The following FOXRED2 variants were observed in gnomAD, a reference collection of about 807,000 sequenced individuals.
FOXRED2 encodes the protein FAD dependent oxidoreductase domain containing 2, also known as FAD-dependent oxidoreductase domain-containing protein 2.
A neutral mutation model predicts 52.5 loss-of-function variants in FOXRED2; 32 were observed. The observed-to-expected ratio is 0.61, with a 90% CI of 0.46 to 0.82. FOXRED2 has a LOEUF of 0.82. FOXRED2 is among the 40% of genes least tolerant of loss of function. FOXRED2 has a pLI of 0.00. For synonymous variants in FOXRED2, 405 were observed against 398.1 expected (o/e 1.02, Z -0.21); for missense variants, 848 against 937.5 (o/e 0.90, Z 1.25).
chr22:36,498,269 C>T, intron 5 of FOXRED2, 113 bp from the exon 6 acceptor site: 1 of 1,269,824 alleles, frequency 7.9e-7, no homozygotes, highest in South Asian at 1.5e-5. Flanking sequence ...CACTGGTCTC[C>T]ATGGCCCAGC....
rs567756065 is a variant in FOXRED2, at chr22:36,501,430, A to G, written c.1050-23T>C. The G allele has an allele frequency of 5.2e-5, 84 of 1,611,716 alleles. No individual in the cohort carries two copies. The East Asian group carries it at 7.4e-4, about 14-fold the overall frequency. ...GACCTGTCAGTGGAAAGGGCTGTTC[A>G]TGAAAATAGCTGCTATGTAAGAGGC... On this transcript the variant is annotated intron_variant, in intron 4 of 8. Transcript: ENST00000397224.
Position 36,493,753 on chromosome 22 carries a change from C to T in FOXRED2, c.1675G>A (p.Ala559Thr). ...PAHWPLPRPT[A>T]IHHIVEDFLT... is the part of the protein sequence containing the mutation. Reference sequence around the variant, plus strand: ...AAGTCTTCCACGATGTGATGGATGGCCGTGGGCCGAGGCAGGGGCCAGTGT... The same window carrying T: ...AAGTCTTCCACGATGTGATGGATGGTCGTGGGCCGAGGCAGGGGCCAGTGT... The change falls in exon 8 of 9, where the codon GCC becomes ACC. Residue 559 changes from alanine to threonine, a missense_variant. Transcript: ENST00000397224. The T allele has an allele frequency of 1.2e-6, 2 of 1,614,204 alleles. No individual in the cohort carries two copies. Among genetic ancestry groups the T allele is most frequent in the Non-Finnish European group, 1.7e-6 (2 of 1,180,014 alleles).
In FOXRED2 at chr22:36,498,055, C is replaced by A; in HGVS notation, c.1318G>T (p.Val440Leu). 6.2e-7 allele frequency: 1 copy of A among 1,614,094 alleles called. No individual in the cohort carries two copies. The highest frequency in any genetic ancestry group is 8.5e-7 in the Non-Finnish European group (1 of 1,180,040). The stretch of plus-strand genomic sequence containing the variant: ...TGGTAGAGCCCAGAAGCCTCATTCA[C>A]GCGCCGCACGATGGAGCTGGTCAGC... ...TQLTSSIVRRVNEASGLYQMF... is the reference protein window; with the variant it reads ...TQLTSSIVRRLNEASGLYQMF... Residue 440 changes from valine to leucine, a missense_variant, in exon 6 of 9, where the codon GTG (valine) becomes TTG (leucine). Coordinates refer to ENST00000397224, the MANE Select transcript of FOXRED2 (RefSeq NM_001102371.2).
At chr22:36,502,222 C>G (rs1038890318) in intron 4 of FOXRED2, among the ~76,000 whole-genome samples, 1 of 152,054 alleles carries the variant, frequency 6.6e-6, no homozygotes, top group Non-Finnish European at 1.5e-5. Context: ...CAGTGGCTCA[C>G]GCCTGTAATC....
At chr22:36,503,073 C>T (rs1219197890) in intron 4 of FOXRED2, among the ~76,000 whole-genome samples, 13 of 151,150 alleles carry the variant, frequency 8.6e-5, no homozygotes, top group African/African-American at 2.2e-4. Flanking sequence ...ACCACAGCCT[C>T]GACCTCCTGG....
chr22:36,499,263 A>G (rs1011838082), intron 5 of FOXRED2, among the ~76,000 whole-genome samples: 5 of 152,144 alleles, frequency 3.3e-5, no homozygotes, highest in African/African-American at 1.2e-4. Context: ...ATAAATATTG[A>G]ATGTCTTTGA....
intron 4 of FOXRED2, 21 bp downstream of exon 4, chr22:36,504,077 C>T: frequency 6.2e-7 from 1 of 1,608,006 alleles, no homozygotes; most frequent in Non-Finnish European, 8.5e-7. Flanking sequence ...GAGAGCCCAC[C>T]TCCTTCCGCA....
At position 36,496,123 on chromosome 22, in the gene FOXRED2, G is replaced by A. The variant is rs1212363859; in HGVS notation, c.1468C>T (p.His490Tyr). 2 of 1,614,084 alleles carry A rather than the reference G, an allele frequency of 1.2e-6. No homozygotes were observed. The highest frequency in any genetic ancestry group is 1.7e-6 in the Non-Finnish European group (2 of 1,180,042). ...TCCATGTTGATGACGAAGAGCCCGT[G>A]CTTTGCCTTCCTCCCTGTGAGTGTC... ...LETLTGRKAKHGLFVINMEYG... is the reference protein window; with the variant it reads ...LETLTGRKAKYGLFVINMEYG... Residue 490 changes from histidine (H) to tyrosine (Y), a missense_variant, in exon 7 of 9, where the codon CAC becomes TAC. His to Tyr is a moderately conservative substitution (Grantham distance 83). Coordinates refer to ENST00000397224, the MANE Select transcript of FOXRED2 (RefSeq NM_001102371.2).
chr22:36,494,205 C>T (rs1013069480), intron 7 of FOXRED2, among the ~76,000 whole-genome samples: 1 of 152,208 alleles, frequency 6.6e-6, no homozygotes, highest in Non-Finnish European at 1.5e-5. Flanking sequence ...CAACCTCTAC[C>T]TCCTGGGTTC....
At position 36,506,260 on chromosome 22, in the gene FOXRED2, C is replaced by T. The variant is rs369938543; in HGVS notation, c.163G>A (p.Asp55Asn). ...MAYFLQRAGRDYAVFERAPRP... is the reference protein window; with the variant it reads ...MAYFLQRAGRNYAVFERAPRP... ...GGGGCCCGCTCGAACACTGCGTAGT[C>T]GCGTCCAGCGCGCTGCAGGAAGTAG... The change falls in exon 2 of 9, where the codon GAC becomes AAC. Residue 55 changes from aspartate to asparagine, a missense_variant. By Grantham distance (23) the Asp-to-Asn change is conservative. Transcript: ENST00000397224. 2 of 1,608,746 alleles carry T rather than the reference C, an allele frequency of 1.2e-6. No homozygotes were observed. Among genetic ancestry groups the T allele is most frequent in the Admixed American group, 1.7e-5 (1 of 59,846 alleles).
rs751898660 is a variant in FOXRED2 at position 36,504,066 on chromosome 22, G to A, written c.1049+32C>T. ...AGGGAGGGGTCAGGAGGGTTTGCTAGGAGAGCCCACCTCCTTCCGCATGGA... is the reference window on the plus strand; with the variant it reads ...AGGGAGGGGTCAGGAGGGTTTGCTAAGAGAGCCCACCTCCTTCCGCATGGA... On this transcript the variant is annotated intron_variant, in intron 4 of 8. Transcript: ENST00000397224. The A allele has an allele frequency of 1.7e-5, 27 of 1,601,530 alleles. No homozygotes were observed. The Middle Eastern group carries it at 1.0e-3, about 60-fold the overall frequency.
intron 7 of FOXRED2, among the ~76,000 whole-genome samples, chr22:36,494,872 C>T (rs1404853512): frequency 1.3e-5 from 2 of 151,424 alleles, no homozygotes; most frequent in South Asian, 2.1e-4. Flanking sequence ...CTCCTGACCT[C>T]GTGATCCGCC....
chr22:36,493,676 G>A lies in FOXRED2; in HGVS notation c.1752C>T (p.Phe584=). ...PIGHILPLRR[F]LENCLDTDLR... Reference sequence around the variant, plus strand: ...AATCGGTGTCCAAACAGTTCTCCAGGAAGCGCCTCAGAGGTAGGATGTGCC... The same window carrying A: ...AATCGGTGTCCAAACAGTTCTCCAGAAAGCGCCTCAGAGGTAGGATGTGCC... The change falls in exon 8 of 9, where the codon TTC becomes TTT. Residue 584 remains phenylalanine, a synonymous_variant. Transcript: ENST00000397224. The A allele has an allele frequency of 6.2e-7, 1 of 1,614,214 alleles. No homozygotes were observed. Among genetic ancestry groups the A allele is most frequent in the South Asian group, 1.1e-5 (1 of 91,084 alleles).
chr22:36,498,623 C>T (rs1188155669), intron 5 of FOXRED2, among the ~76,000 whole-genome samples: 3 of 152,202 alleles, frequency 2.0e-5, no homozygotes, highest in Non-Finnish European at 4.4e-5. Context: ...GCTCTGTTTC[C>T]ATCAGAGACG....
Position 36,489,939 on chromosome 22 carries a change from A to C in FOXRED2, c.*69T>G. ...TTGGCGGGAGTGTGAGGTTGCGGGG[A>C]AAGAGGGACTGACCATGGGCCTAGG... On this transcript the variant is annotated 3_prime_UTR_variant, in exon 9 of 9. Transcript: ENST00000397224. 1 of 1,443,824 alleles carries C rather than the reference A, an allele frequency of 6.9e-7. No homozygotes were observed. 89.4% of individuals were successfully genotyped at this position (1,443,824 alleles called of 1,614,324 possible).
rs765376848 is a variant in FOXRED2 at position 36,490,032 on chromosome 22, G to A, written c.2031C>T (p.Val677=). 2.6e-5 allele frequency: 41 copies of A among 1,599,504 alleles called. No individual in the cohort carries two copies. Among genetic ancestry groups the A allele is most frequent in the South Asian group, 2.1e-4 (19 of 90,102 alleles). ...GTCAGAGCTCCTCTTTGTTGCTATC[G>A]ACGGACTGAGCCAGAGGCCCTGGAG... ...PLAPGPLAQS[V]DSNKEEL Residue 677 remains valine, a synonymous_variant, in exon 9 of 9, where the codon GTC becomes GTT. Coordinates refer to ENST00000397224, the MANE Select transcript of FOXRED2 (RefSeq NM_001102371.2).
At chr22:36,493,382 T>C (rs1310905650) in intron 8 of FOXRED2, among the ~76,000 whole-genome samples, 2 of 149,662 alleles carry the variant, frequency 1.3e-5, no homozygotes, top group Non-Finnish European at 3.0e-5. Flanking sequence ...GAGGTTGTAG[T>C]GAGCTGAGAT....
chr22:36,504,104 A>G lies in FOXRED2; in HGVS notation c.1043T>C (p.Phe348Ser). 6.2e-7 allele frequency: 1 copy of G among 1,613,924 alleles called. No individual in the cohort carries two copies. The highest frequency in any genetic ancestry group is 1.1e-5 in the South Asian group (1 of 91,052). Residue 348 changes from phenylalanine (F) to serine (S), a missense_variant, in exon 4 of 9, where the codon TTC becomes TCC. Coordinates refer to ENST00000397224, the MANE Select transcript of FOXRED2 (RefSeq NM_001102371.2). ...CLGWNFDFSIFNKSLRLNSGN... is the reference protein window; with the variant it reads ...CLGWNFDFSISNKSLRLNSGN... ...CCTTCCGCATGGAACTCACTTATTG[A>G]AAATGGAGAAGTCAAAGTTCCAGCC... is the stretch of plus-strand genomic sequence containing the variant.
intron 8 of FOXRED2, among the ~76,000 whole-genome samples, chr22:36,492,919 T>C (rs1414408202): frequency 6.6e-6 from 1 of 152,236 alleles, no homozygotes; most frequent in Non-Finnish European, 1.5e-5. Context: ...CAGGGCCTAC[T>C]GGTTGAATAT....
Sources: allele counts gnomAD v4.1 joint callset (sites outside exome capture counted in the v4.1 genomes callset), GRCh38; gene constraint gnomAD v4.1.1; transcripts MANE v1.5; gene names NCBI Gene and HGNC (gene_info 2026-07-23, HGNC 2026-07-21).